Variants in SLC30A10 observed in about 807,000 individuals in gnomAD.
SLC30A10 encodes the protein calcium/manganese antiporter SLC30A10.
A neutral mutation model predicts 21.7 loss-of-function variants in SLC30A10; 8 were observed. That is an observed-to-expected ratio of 0.37 (90% CI 0.22 to 0.67). The LOEUF is 0.67. SLC30A10 is among the 30% of genes least tolerant of loss of function. The pLI, the probability that SLC30A10 is intolerant of heterozygous loss-of-function variation, is 0.58. For synonymous variants in SLC30A10, 272 were observed against 279.4 expected (o/e 0.97, Z 0.26); for missense variants, 521 against 642.5 (o/e 0.81, Z 2.04).
chr1:219,920,924 T>C (rs1041257400), intron 2 of SLC30A10, among the ~76,000 whole-genome samples: 1 of 152,214 alleles, frequency 6.6e-6, no homozygotes, highest in African/African-American at 2.4e-5. Context: ...CCCTTCTCTC[T>C]TCCTGTTGAT....
chr1:219,922,174 G>GTGTGTGTGTGTGTTTTTGT (rs1558252048), intron 2 of SLC30A10, among the ~76,000 whole-genome samples: 6 of 18,218 alleles, frequency 3.3e-4, no homozygotes, highest in African/African-American at 1.3e-3. Flanking sequence ...GTGTGTGTGT[G>GTGTGTGTGTGTGTTTTTGT]TGTTTTTTTT....
At position 219,911,636 on chromosome 1, in the gene SLC30A10, T is replaced by C. The variant is rs1469335492; in HGVS notation, c.*3813A>G. 1.3e-5 allele frequency among the ~76,000 whole-genome samples: 2 copies of C among 152,184 alleles called. No homozygotes were observed. Among genetic ancestry groups the C allele is most frequent in the African/African-American group, 4.8e-5 (2 of 41,442 alleles). On this transcript the variant is annotated 3_prime_UTR_variant, in exon 4 of 4. Coordinates refer to ENST00000366926, the MANE Select transcript of SLC30A10 (RefSeq NM_018713.3). ...TTCAAATTACATTTTTCTTTAAATA[T>C]CCAAAGTTCTTATGTGGAAACAACT...
intron 1 of SLC30A10, among the ~76,000 whole-genome samples, chr1:219,937,756 G>A (rs767539069): frequency 1.3e-5 from 2 of 152,218 alleles, no homozygotes; most frequent in Admixed American, 6.5e-5. Context: ...AGGTTGCAGC[G>A]AACTGAGCTC....
chr1:219,916,510 G>A (rs1265860392), intron 3 of SLC30A10, among the ~76,000 whole-genome samples: 1 of 152,188 alleles, frequency 6.6e-6, no homozygotes, highest in Non-Finnish European at 1.5e-5. Flanking sequence ...ATGTACATAA[G>A]GTATTTTTAA....
chr1:219,949,906 T>C (rs1250309734), intron 1 of SLC30A10, among the ~76,000 whole-genome samples: 1 of 152,128 alleles, frequency 6.6e-6, no homozygotes, highest in Non-Finnish European at 1.5e-5. Context: ...ATTAGAAATA[T>C]AATGTCTCCA....
chr1:219,952,295 A>T (rs896239961), intron 1 of SLC30A10, among the ~76,000 whole-genome samples: 1 of 152,208 alleles, frequency 6.6e-6, no homozygotes, highest in African/African-American at 2.4e-5. Context: ...TCTCTAAGAG[A>T]CAGATATTAC....
In SLC30A10 at chr1:219,927,900, C is replaced by G. The variant is rs567087004; in HGVS notation, c.541G>C (p.Asp181His). Residue 181 changes from aspartate (D) to histidine (H), a missense_variant, in exon 1 of 4, where the codon GAC becomes CAC. Asp to His is a moderately conservative substitution (Grantham distance 81). Transcript: ENST00000366926. ...GAGTCCGAGCCTGGGGCTGTCGGGTCCGCCGCGCGCCGCGGGTCCTCCGCG... is the reference window on the plus strand; with the variant it reads ...GAGTCCGAGCCTGGGGCTGTCGGGTGCGCCGCGCGCCGCGGGTCCTCCGCG... ...QGAEDPRRAA[D>H]PTAPGSDSAV... is the part of the protein sequence containing the mutation. 6.5e-7 allele frequency: 1 copy of G among 1,538,756 alleles called. No homozygotes were observed. The highest frequency in any genetic ancestry group is 1.2e-5 in the South Asian group (1 of 83,072).
intron 1 of SLC30A10, among the ~76,000 whole-genome samples, chr1:219,955,343 T>C (rs1217701026): frequency 2.0e-5 from 3 of 152,206 alleles, no homozygotes; most frequent in Non-Finnish European, 4.4e-5. Flanking sequence ...GGCTCTACCA[T>C]CACCTGAACT....
chr1:219,923,358 C>CA (rs1251377680), intron 2 of SLC30A10, among the ~76,000 whole-genome samples: 1 of 152,072 alleles, frequency 6.6e-6, no homozygotes, highest in East Asian at 1.9e-4. Flanking sequence ...ACGAAACCCC[C>CA]AAAAAACGGG....
chr1:219,945,084 T>A (rs1660170387), intron 1 of SLC30A10, among the ~76,000 whole-genome samples: 1 of 152,220 alleles, frequency 6.6e-6, no homozygotes, highest in Non-Finnish European at 1.5e-5. Context: ...AGGTCACATA[T>A]GTATGATTCC....
At chr1:219,929,802 G>A (rs1411252830), upstream of SLC30A10, among the ~76,000 whole-genome samples, 2 of 152,136 alleles carry the variant, frequency 1.3e-5, no homozygotes, top group East Asian at 1.9e-4. Flanking sequence ...GATTACAGGC[G>A]TGAGCCACTG....
At chr1:219,949,238 C>G (rs1236814350) in intron 1 of SLC30A10, among the ~76,000 whole-genome samples, 1 of 152,082 alleles carries the variant, frequency 6.6e-6, no homozygotes, top group Non-Finnish European at 1.5e-5. Context: ...ACCATTTGAC[C>G]CAGCCATCCC....
intron 1 of SLC30A10, among the ~76,000 whole-genome samples, chr1:219,927,508 T>C (rs1659857285): frequency 6.6e-6 from 1 of 150,634 alleles, no homozygotes; most frequent in Admixed American, 6.6e-5. Flanking sequence ...TCAATACTCA[T>C]ATACAGAGAA....
chr1:219,918,114 A>G lies in SLC30A10; in HGVS notation c.958+141T>C, dbSNP rs2102526411. The G allele has an allele frequency of 8.8e-7, 1 of 1,130,456 alleles. No individual in the cohort carries two copies. The highest frequency in any genetic ancestry group is 2.4e-5 in the East Asian group (1 of 42,220). 70.0% of individuals were successfully genotyped at this position (1,130,456 alleles called of 1,614,324 possible). On this transcript the variant is annotated intron_variant, in intron 3 of 3. Coordinates refer to ENST00000366926, the MANE Select transcript of SLC30A10 (RefSeq NM_018713.3). This position sits in a 1 kb window ranked among gnomAD's most constrained non-coding sequence, Gnocchi z 4.4. Reference sequence around the variant, plus strand: ...GAGTCATCTTAATAGGCTATAAAACATATGATGACATCTCTACCACCTGGT... The same window carrying G: ...GAGTCATCTTAATAGGCTATAAAACGTATGATGACATCTCTACCACCTGGT...
intron 1 of SLC30A10, among the ~76,000 whole-genome samples, chr1:219,951,907 A>G (rs1374821259): frequency 2.0e-5 from 3 of 152,040 alleles, no homozygotes; most frequent in Non-Finnish European, 4.4e-5. Context: ...GCTGAAATAT[A>G]TATTTTTGTT....
chr1:219,943,270 G>C (rs1298577206), intron 1 of SLC30A10, among the ~76,000 whole-genome samples: 2 of 152,138 alleles, frequency 1.3e-5, no homozygotes, highest in Non-Finnish European at 2.9e-5. Flanking sequence ...TAGATTAGTT[G>C]AAATTAAAAA....
intron 2 of SLC30A10, among the ~76,000 whole-genome samples, chr1:219,926,215 G>A (rs1659821994): frequency 6.6e-6 from 1 of 152,116 alleles, no homozygotes; most frequent in African/African-American, 2.4e-5. Context: ...CAAAGTGAAG[G>A]TATCTCCTGA....
chr1:219,940,466 G>A (rs1660106295), intron 1 of SLC30A10, among the ~76,000 whole-genome samples: 1 of 152,096 alleles, frequency 6.6e-6, no homozygotes, highest in Non-Finnish European at 1.5e-5. Flanking sequence ...CTGAACCCCT[G>A]GGTTCATAAA....
At chr1:219,939,640 G>A (rs1449328182) in intron 1 of SLC30A10, among the ~76,000 whole-genome samples, 1 of 152,144 alleles carries the variant, frequency 6.6e-6, no homozygotes, top group Non-Finnish European at 1.5e-5. Flanking sequence ...ATCTTGGCCA[G>A]GCTGGTCTTG....
Sources: gnomAD v4.1 joint callset for allele counts (sites outside exome capture counted in the v4.1 genomes callset) on GRCh38, gnomAD v4.1.1 for gene constraint, Gnocchi (gnomAD v3.1) non-coding constraint, MANE v1.5 for transcripts, NCBI Gene and HGNC (gene_info 2026-07-23, HGNC 2026-07-21) for gene names.